Variants in HTR2C observed in about 807,000 individuals in gnomAD.
HTR2C encodes 5-hydroxytryptamine receptor 2C, also known as 5-hydroxytryptamine (serotonin) receptor 2C, G protein-coupled.
Under a neutral mutation model 21.0 loss-of-function variants are expected in HTR2C, and 5 were observed. That is an observed-to-expected ratio of 0.24 (90% CI 0.12 to 0.50). HTR2C has a LOEUF of 0.50. Among genes scored for constraint, HTR2C ranks in the 20% least tolerant of loss-of-function variants. The probability of loss-of-function intolerance (pLI) is 0.98; values close to 1 mark genes in which losing one functional copy is unlikely to be tolerated. For synonymous variants in HTR2C, 150 were observed against 145.3 expected, an observed-to-expected ratio of 1.03 and a Z score of -0.23; for missense variants, 271 against 371.2, an observed-to-expected ratio of 0.73 and a Z score of 2.22.
intron 3 of HTR2C, 137 bp from the exon 4 acceptor site, chrX:114,731,157 T>C (rs2069531230): frequency 2.2e-6 from 1 of 454,276 alleles, no homozygotes. Flanking sequence ...AGAGTAGAAA[T>C]AATGATGATG....
chrX:114,617,425 G>A lies in HTR2C; in HGVS notation c.-80+3544G>A, dbSNP rs782482780. Among the ~76,000 whole-genome samples, 18 of 111,609 alleles carry A rather than the reference G, an allele frequency of 1.6e-4. No individual in the cohort carries two copies. In the South Asian group the frequency reaches 6.4e-3, roughly 39 times the overall value. On this transcript the variant is annotated intron_variant, in intron 2 of 5. Coordinates refer to ENST00000276198, the MANE Select transcript of HTR2C (RefSeq NM_000868.4). ...ACTACATTCCACCTTGGGTGACAAA[G>A]CAAGATCCTGTCTCAAAAAGAAAAA...
At chrX:114,839,949 C>G (rs1185423978) in intron 4 of HTR2C, among the ~76,000 whole-genome samples, 1 of 110,355 alleles carries the variant, frequency 9.1e-6, no homozygotes, top group Non-Finnish European at 1.9e-5. Flanking sequence ...AGCTGTAGCC[C>G]AAATGAAAGA....
intron 2 of HTR2C, among the ~76,000 whole-genome samples, chrX:114,718,948 TATATTA>T (rs1314175410): frequency 0.023 from 2,267 of 97,992 alleles, 76 homozygotes; most frequent in African/African-American, 0.075. Context: ...TAATATAAAT[TATATTA>T]ATATTAATAT....
intron 5 of HTR2C, among the ~76,000 whole-genome samples, chrX:114,874,752 G>T (rs1556477599): frequency 1.8e-5 from 2 of 110,885 alleles, no homozygotes; most frequent in African/African-American, 6.6e-5. Flanking sequence ...CAGGTGATTC[G>T]CCCACCTCGG....
intron 5 of HTR2C, among the ~76,000 whole-genome samples, chrX:114,877,532 GTTAT>G (rs1556478609): frequency 9.1e-6 from 1 of 110,244 alleles, no homozygotes; most frequent in East Asian, 2.8e-4. Context: ...TTGGTGTAGA[GTTAT>G]TTATTTGATG....
intron 4 of HTR2C, among the ~76,000 whole-genome samples, chrX:114,768,865 G>A (rs1158997156): frequency 1.1e-4 from 12 of 111,187 alleles, no homozygotes; most frequent in African/African-American, 3.9e-4. Flanking sequence ...ATCTAAGACT[G>A]TACTTAATTC....
chrX:114,676,448 T>TA (rs34943177), intron 2 of HTR2C, among the ~76,000 whole-genome samples: 232 of 106,096 alleles, frequency 2.2e-3, no homozygotes, highest in Middle Eastern at 4.8e-3. Context: ...CTTTCTGAGG[T>TA]AAAAAAAAAA....
At position 114,731,341 on chromosome X, in the gene HTR2C, G is replaced by A. The variant is rs201731034; in HGVS notation, c.83G>A (p.Ser28Asn). 2.5e-6 allele frequency: 3 copies of A among 1,206,029 alleles called. No individual in the cohort carries two copies. Among genetic ancestry groups the A allele is most frequent in the Non-Finnish European group, 2.2e-6 (2 of 891,347 alleles). Residue 28 changes from serine to asparagine, a missense_variant, in exon 4 of 6, where the codon AGC becomes AAC. Around this residue, in one of 5 missense-constraint regions of HTR2C, gnomAD observed 57 missense variants for 64.0 expected, o/e 0.89. Transcript: ENST00000276198. The stretch of plus-strand genomic sequence containing the variant: ...GTTTGGCAATCTGATATTTCTGTGA[G>A]CCCAGTAGCAGCTATAGTAACTGAC... ...LLVWQSDISV[S>N]PVAAIVTDIF...
chrX:114,674,691 C>T (rs1931493091), intron 2 of HTR2C, among the ~76,000 whole-genome samples: 1 of 111,577 alleles, frequency 9.0e-6, no homozygotes, highest in Admixed American at 9.6e-5. Flanking sequence ...TCTATTATTT[C>T]ATTTAAGCCT....
chrX:114,825,054 G>C (rs2070667293), intron 4 of HTR2C, among the ~76,000 whole-genome samples: 2 of 111,340 alleles, frequency 1.8e-5, no homozygotes, highest in African/African-American at 6.5e-5. Flanking sequence ...CAGTTTTATT[G>C]ATCTATTCCC....
intron 4 of HTR2C, among the ~76,000 whole-genome samples, chrX:114,838,617 G>A (rs781861434): frequency 3.5e-4 from 39 of 111,700 alleles, no homozygotes; most frequent in Non-Finnish European, 7.0e-4. Flanking sequence ...TTGAATGAAT[G>A]AACAAACATA....
chrX:114,720,405 A>G (rs1328045590), intron 2 of HTR2C, among the ~76,000 whole-genome samples: 2 of 111,083 alleles, frequency 1.8e-5, no homozygotes, highest in African/African-American at 6.6e-5. Context: ...TGGAAAACAC[A>G]GGGAGATGTG....
chrX:114,622,248 T>C (rs1270180380), intron 2 of HTR2C, among the ~76,000 whole-genome samples: 1 of 111,621 alleles, frequency 9.0e-6, no homozygotes, highest in East Asian at 2.8e-4. Flanking sequence ...GATGCCTCAG[T>C]GTCTGACTGA....
At chrX:114,726,481 T>C (rs1478600780) in intron 2 of HTR2C, among the ~76,000 whole-genome samples, 1 of 112,675 alleles carries the variant, frequency 8.9e-6, no homozygotes, top group East Asian at 2.8e-4. Flanking sequence ...TTCTTCTGCG[T>C]CGCTCACGCT....
chrX:114,904,081 G>C (rs2071355480), intron 5 of HTR2C, among the ~76,000 whole-genome samples: 1 of 111,715 alleles, frequency 9.0e-6, no homozygotes, highest in African/African-American at 3.3e-5. Flanking sequence ...ATGTTTTTTT[G>C]CTCTGGAAGG....
intron 1 of HTR2C, among the ~76,000 whole-genome samples, chrX:114,609,592 T>G (rs782733944): frequency 2.3e-4 from 26 of 111,797 alleles, no homozygotes; most frequent in Admixed American, 2.1e-3. Context: ...ACAGTGAGTT[T>G]AAAGGACAGT....
intron 2 of HTR2C, among the ~76,000 whole-genome samples, chrX:114,646,258 A>G (rs1237576327): frequency 8.9e-6 from 1 of 111,942 alleles, no homozygotes; most frequent in Admixed American, 9.5e-5. Flanking sequence ...TGATTTGACC[A>G]TATGGCTGAT....
intron 4 of HTR2C, among the ~76,000 whole-genome samples, chrX:114,745,572 A>G (rs2069694954): frequency 8.9e-6 from 1 of 112,261 alleles, no homozygotes; most frequent in Non-Finnish European, 1.9e-5. Context: ...CAACAGATGA[A>G]TGGATAAAGA....
At chrX:114,797,247 T>A (rs1398322861) in intron 4 of HTR2C, among the ~76,000 whole-genome samples, 8 of 111,541 alleles carry the variant, frequency 7.2e-5, no homozygotes, top group Admixed American at 2.9e-4. Context: ...AACATTTTTT[T>A]AAAATAGTAT....
Sources: gnomAD v4.1 joint callset for allele counts (sites outside exome capture counted in the v4.1 genomes callset) on GRCh38, gnomAD v4.1.1 for gene constraint, gnomAD v4.1.1 regional missense constraint, MANE v1.5 for transcripts, NCBI Gene and HGNC (gene_info 2026-07-23, HGNC 2026-07-21) for gene names.